The following OTOF variants were observed in gnomAD, a reference collection of about 807,000 sequenced individuals.
OTOF encodes the protein otoferlin, also known as fer-1-like family member 2.
OTOF carries 218 observed loss-of-function variants against 236.8 expected under a neutral mutation model. The ratio of observed to expected loss-of-function variants is 0.92; its 90% CI spans 0.82 to 1.03. The LOEUF (loss-of-function observed/expected upper bound fraction) is 1.03. Among genes scored for constraint, OTOF ranks in the 50% least tolerant of loss-of-function variants. The probability of loss-of-function intolerance (pLI) is 0.00; values close to 1 mark genes in which losing one functional copy is unlikely to be tolerated. For missense variants in OTOF, 2,590 were observed against 2,694.4 expected, an observed-to-expected ratio of 0.96 and a Z score of 0.86; for synonymous variants, 1,041 against 1,072.5, an observed-to-expected ratio of 0.97 and a Z score of 0.57.
chr2:26,467,320 T>A, intron 34 of OTOF, 45 bp downstream of exon 34: 1 of 1,613,532 alleles, frequency 6.2e-7, no homozygotes. Flanking sequence ...GCCCCCCTCT[T>A]CCCGCCCCCA....
Position 26,460,828 on chromosome 2 carries a change from G to A in OTOF, c.5712+24C>T, listed in dbSNP as rs1664427243. On this transcript the variant is annotated intron_variant, in intron 44 of 46. Transcript: ENST00000272371. The surrounding 1 kb of genome is among the most constrained non-coding windows in gnomAD (Gnocchi z 5.3). ...CCAGCCAGTCCCAGCCCTGCCTACT[G>A]CCCGAGCAGGAAGGGGTGCGCACCG... 6.2e-7 allele frequency: 1 copy of A among 1,614,028 alleles called. No individual in the cohort carries two copies. The highest frequency in any genetic ancestry group is 8.5e-7 in the Non-Finnish European group (1 of 1,179,888).
intron 12 of OTOF, 41 bp downstream of exon 12, chr2:26,484,433 G>A: frequency 6.2e-7 from 1 of 1,611,382 alleles, no homozygotes; most frequent in South Asian, 1.1e-5. Context: ...GGGAAGGAAG[G>A]GCTGGCTCAG....
rs1394834008 is a variant in OTOF at position 26,463,506 on chromosome 2, G to A, written c.5169C>T (p.Asp1723=). ...MDMPAPGTPL[D]ISPRKPKKYE... Reference sequence around the variant, plus strand: ...ACTTCTTGGGCTTCCGAGGTGAGATGTCCAGAGGCGTCCCAGGGGCTGGCA... The same window carrying A: ...ACTTCTTGGGCTTCCGAGGTGAGATATCCAGAGGCGTCCCAGGGGCTGGCA... Residue 1723 remains aspartate, a synonymous_variant, in exon 41 of 47, where the codon GAC becomes GAT. Coordinates refer to ENST00000272371, the MANE Select transcript of OTOF (RefSeq NM_194248.3). 1 of 1,607,552 alleles carries A rather than the reference G, an allele frequency of 6.2e-7. No individual in the cohort carries two copies. The highest frequency in any genetic ancestry group is 2.2e-5 in the East Asian group (1 of 44,658).
chr2:26,459,871 T>G, intron 46 of OTOF, 137 bp downstream of exon 46: 1 of 815,816 alleles, frequency 1.2e-6, no homozygotes, highest in Non-Finnish European at 2.0e-6. Flanking sequence ...GCGTGGCACA[T>G]GTGTGCATAC....
chr2:26,526,585 G>A (rs534947813), intron 3 of OTOF, among the ~76,000 whole-genome samples: 31 of 152,252 alleles, frequency 2.0e-4, no homozygotes, highest in African/African-American at 7.5e-4. Flanking sequence ...TTGTTATAAG[G>A]TAACACTTAA....
intron 2 of OTOF, among the ~76,000 whole-genome samples, chr2:26,533,211 G>A (rs575286902): frequency 6.6e-6 from 1 of 152,236 alleles, no homozygotes; most frequent in East Asian, 1.9e-4. Context: ...GTTCTGAGGA[G>A]GAACAGTTTC....
rs1443400614 is a variant in OTOF, at chr2:26,460,644, CACTT to C, written c.5812_5813+2del. The stretch of plus-strand genomic sequence containing the variant: ...GGAGGGGCTGGGCCGGCAGGGCACT[CACTT>C]GGGTTTCTCTAGGGGGTCAGGTTCA... On this transcript the variant is annotated splice_donor_variant and coding_sequence_variant, in exon 45 of 47. Coordinates refer to ENST00000272371, the MANE Select transcript of OTOF (RefSeq NM_194248.3). LOFTEE classifies it high-confidence loss of function. This position sits in a 1 kb window ranked among gnomAD's most constrained non-coding sequence, Gnocchi z 5.3. 1.2e-6 allele frequency: 2 copies of C among 1,612,466 alleles called. No homozygotes were observed. The highest frequency in any genetic ancestry group is 1.7e-6 in the Non-Finnish European group (2 of 1,178,696).
Position 26,489,195 on chromosome 2 carries a change from A to G in OTOF, c.1045+16T>C, listed in dbSNP as rs1558495186. On this transcript the variant is annotated intron_variant, in intron 11 of 46. Transcript: ENST00000272371. ...CCATGCACACCTCGACTGACTGGCC[A>G]TGCGCAGGTACTCACCTGGCTGCGA... The G allele has an allele frequency of 6.3e-7, 1 of 1,592,472 alleles. No individual in the cohort carries two copies. The highest frequency in any genetic ancestry group is 1.7e-5 in the Admixed American group (1 of 59,452).
intron 5 of OTOF, among the ~76,000 whole-genome samples, chr2:26,506,362 A>G (rs966203934): frequency 1.3e-5 from 2 of 152,202 alleles, no homozygotes; most frequent in African/African-American, 4.8e-5. Flanking sequence ...CTACATAGTT[A>G]GCCTTTGCCA....
chr2:26,558,663 G>T lies in OTOF; in HGVS notation c.-92C>A. ...CTCACACGCCTCTCTCTTCTCTGCCGCTGCCTCCTCCTCCTCCTCCCGACC... is the reference window on the plus strand; with the variant it reads ...CTCACACGCCTCTCTCTTCTCTGCCTCTGCCTCCTCCTCCTCCTCCCGACC... On this transcript the variant is annotated 5_prime_UTR_variant, in exon 1 of 47. Transcript: ENST00000272371. 1 of 1,124,910 alleles carries T rather than the reference G, an allele frequency of 8.9e-7. No homozygotes were observed. Among genetic ancestry groups the T allele is most frequent in the Non-Finnish European group, 1.3e-6 (1 of 745,220 alleles). The allele number at this position is 1,124,910 out of a possible 1,614,324, so 69.7% of individuals were successfully genotyped here. A position where few individuals can be genotyped will look rare whatever the true frequency, so the allele number is the denominator to read the frequency against.
At position 26,465,647 on chromosome 2, in the gene OTOF, G is replaced by A. The variant is rs114262011; in HGVS notation, c.4799+25C>T. On this transcript the variant is annotated intron_variant, in intron 38 of 46. Transcript: ENST00000272371. ...GAGGCAAAGCAGGCACACTGCCCCC[G>A]CCCTCTGCCCCATGCCCCACATACG... 1.4e-4 allele frequency: 221 copies of A among 1,611,474 alleles called. 1 individual carries two copies. Among genetic ancestry groups the A allele is most frequent in the African/African-American group, 1.4e-3 (102 of 75,022 alleles).
chr2:26,551,914 T>C (rs77286254), intron 1 of OTOF, among the ~76,000 whole-genome samples: 13,579 of 152,000 alleles, frequency 0.089, 844 homozygotes, highest in African/African-American at 0.18. Context: ...GATGGAATGG[T>C]ATGGGGTTTG....
intron 11 of OTOF, among the ~76,000 whole-genome samples, chr2:26,487,669 T>C (rs1422349789): frequency 6.6e-6 from 1 of 152,074 alleles, no homozygotes; most frequent in Non-Finnish European, 1.5e-5. Flanking sequence ...TGCCTTTTTC[T>C]CCACCCCCTG....
At position 26,484,641 on chromosome 2, in the gene OTOF, G is replaced by A; in HGVS notation, c.1046-8C>T. ...TGTGATGGAACTGGTGCTCTGCAAT[G>A]ATGAGGGGTGGGCACTGCACCAGAC... On this transcript the variant is annotated splice_region_variant and splice_polypyrimidine_tract_variant and intron_variant, in intron 11 of 46. Transcript: ENST00000272371. 6.2e-7 allele frequency: 1 copy of A among 1,613,540 alleles called. No individual in the cohort carries two copies. The highest frequency in any genetic ancestry group is 8.5e-7 in the Non-Finnish European group (1 of 1,179,904).
intron 5 of OTOF, 82 bp downstream of exon 5, chr2:26,516,336 A>T: frequency 7.7e-7 from 1 of 1,291,954 alleles, no homozygotes; most frequent in Non-Finnish European, 1.1e-6. Context: ...AGGCCTAGAG[A>T]GGCCTGTCAG....
intron 6 of OTOF, 145 bp downstream of exon 6, chr2:26,503,627 T>C (rs936102892): frequency 1.4e-6 from 1 of 734,890 alleles, no homozygotes; most frequent in South Asian, 1.5e-5. Flanking sequence ...GTCTCCTTCC[T>C]AGAGGGCCAC....
rs748789567 is a variant in OTOF, at chr2:26,477,319, C to A, written c.2407-31G>T. The A allele has an allele frequency of 1.4e-5, 23 of 1,602,228 alleles. No homozygotes were observed. The highest frequency in any genetic ancestry group is 1.7e-4 in the Middle Eastern group (1 of 6,042). On this transcript the variant is annotated intron_variant, in intron 20 of 46. Transcript: ENST00000272371. The surrounding 1 kb of genome is among the most constrained non-coding windows in gnomAD (Gnocchi z 4.7). ...AAGGAGGGGGTGTCAGTGAACCCAG[C>A]AACTGGGGGACAGCTCGGGCCATGA...
chr2:26,481,342 G>T (rs1665536124), intron 14 of OTOF, among the ~76,000 whole-genome samples: 2 of 152,212 alleles, frequency 1.3e-5, no homozygotes, highest in South Asian at 4.1e-4. Context: ...TGGGCCCTGT[G>T]CCATTTTTGC....
At chr2:26,481,230 G>A (rs1424326362) in intron 14 of OTOF, among the ~76,000 whole-genome samples, 3 of 152,240 alleles carry the variant, frequency 2.0e-5, no homozygotes, top group Non-Finnish European at 4.4e-5. Context: ...GAAGCAGTGG[G>A]AAGGCAAAGT....
Sources: allele counts gnomAD v4.1 joint callset (sites outside exome capture counted in the v4.1 genomes callset), GRCh38; gene constraint gnomAD v4.1.1; non-coding constraint Gnocchi (gnomAD v3.1); transcripts MANE v1.5; gene names NCBI Gene and HGNC (gene_info 2026-07-23, HGNC 2026-07-21).